HTR5A: variants seen among roughly 807,000 people sequenced by gnomAD.
HTR5A encodes the protein 5-hydroxytryptamine receptor 5A.
In HTR5A, 21 loss-of-function variants were observed where a neutral mutation model predicts 24.3. The observed-to-expected ratio is 0.86, with a 90% CI of 0.61 to 1.24. The LOEUF (loss-of-function observed/expected upper bound fraction) is 1.24, where lower values mean the gene tolerates loss of function less well. Ranked by LOEUF, HTR5A falls within the 50% of genes most tolerant of loss-of-function variation. The pLI is 0.00. For missense variants in HTR5A, 497 were observed against 489.5 expected, an observed-to-expected ratio of 1.02 and a Z score of -0.15; for synonymous variants, 260 against 213.7, an observed-to-expected ratio of 1.22 and a Z score of -1.89.
At chr7:155,083,852 C>T (rs1190500868) in intron 1 of HTR5A, among the ~76,000 whole-genome samples, 1 of 152,178 alleles carries the variant, frequency 6.6e-6, no homozygotes, top group Non-Finnish European at 1.5e-5. Flanking sequence ...TTGTGCATGC[C>T]ATGTTGCCTG....
At position 155,084,231 on chromosome 7, in the gene HTR5A, A is replaced by C. The variant is rs758673974; in HGVS notation, c.818A>C (p.Asp273Ala). 1.2e-5 allele frequency: 19 copies of C among 1,613,872 alleles called. No homozygotes were observed. Among genetic ancestry groups the C allele is most frequent in the Admixed American group, 1.0e-4 (6 of 59,968 alleles). ...HATVTFQPEG[D>A]TWREQKEQRA... ...ACCGTCACCTTCCAGCCAGAAGGGG[A>C]CACGTGGCGGGAGCAGAAGGAGCAG... The change falls in exon 2 of 2, where the codon GAC (aspartate) becomes GCC (alanine). Residue 273 changes from aspartate to alanine, a missense_variant. Physicochemically the swap from Asp to Ala is moderately radical, Grantham distance 126. Coordinates refer to ENST00000287907, the MANE Select transcript of HTR5A (RefSeq NM_024012.4).
intron 1 of HTR5A, among the ~76,000 whole-genome samples, chr7:155,072,328 C>T (rs746835981): frequency 6.6e-6 from 1 of 152,088 alleles, no homozygotes; most frequent in South Asian, 2.1e-4. Flanking sequence ...CCCCACAGCC[C>T]TATTAGGTTG....
rs1376932730 is a variant in HTR5A, at chr7:155,085,756, T to G, written c.*1269T>G. On this transcript the variant is annotated 3_prime_UTR_variant, in exon 2 of 2. Transcript: ENST00000287907. ...AATGATATAATAATCTCTGAATTATTGTAATTCATGTAGTATATTGTATAT... is the reference window on the plus strand; with the variant it reads ...AATGATATAATAATCTCTGAATTATGGTAATTCATGTAGTATATTGTATAT... 1.3e-5 allele frequency: 2 copies of G among 152,212 alleles called. No homozygotes were observed. Among genetic ancestry groups the G allele is most frequent in the Non-Finnish European group, 2.9e-5 (2 of 68,030 alleles). 9.4% of individuals were successfully genotyped at this position (152,212 alleles called of 1,614,324 possible).
At chr7:155,082,283 GGTGTTACCA>G (rs1047252744) in intron 1 of HTR5A, among the ~76,000 whole-genome samples, 2 of 151,620 alleles carry the variant, frequency 1.3e-5, no homozygotes, top group African/African-American at 4.8e-5. Context: ...CAGCATCCAT[GGTGTTACCA>G]GTGTTACCAG....
At chr7:155,073,079 G>A (rs2150817102) in intron 1 of HTR5A, among the ~76,000 whole-genome samples, 1 of 152,234 alleles carries the variant, frequency 6.6e-6, no homozygotes, top group East Asian at 1.9e-4. Flanking sequence ...CCAGCACTTT[G>A]GGAGGCCGAG....
At chr7:155,071,709 GC>G in intron 1 of HTR5A, 69 bp downstream of exon 1, 1 of 1,501,942 alleles carries the variant, frequency 6.7e-7, no homozygotes, top group Non-Finnish European at 9.0e-7. Context: ...CAGGCCACCT[GC>G]CCCACCCCCA....
At chr7:155,073,901 A>ATG (rs372446793) in intron 1 of HTR5A, among the ~76,000 whole-genome samples, 16,294 of 128,312 alleles carry the variant, frequency 0.13, 3,206 homozygotes, top group Middle Eastern at 0.2. Context: ...ATATATATAT[A>ATG]TATATATATA....
In HTR5A at chr7:155,071,644, G is replaced by T; in HGVS notation, c.741+4G>T. The stretch of plus-strand genomic sequence containing the variant: ...ACCCATATCCGAAGCTGTGGAGGTG[G>T]GTATCTCAGCAATCCTTAAAAATAC... On this transcript the variant is annotated splice_donor_region_variant and intron_variant, in intron 1 of 1. Transcript: ENST00000287907. 6.2e-7 allele frequency: 1 copy of T among 1,612,588 alleles called. No individual in the cohort carries two copies.
rs2581832 is a variant in HTR5A at position 155,086,297 on chromosome 7, C to A, written c.*1810C>A. 0.2 allele frequency among the ~76,000 whole-genome samples: 31,060 copies of A among 152,130 alleles called. 7,060 individuals are homozygous for A. Among genetic ancestry groups the A allele is most frequent in the African/African-American group, 0.56 (23,346 of 41,462 alleles). ...AGGTAACACTAGAATCAAGGGTAAA[C>A]GCTTAAGTCTATTCTACCTGAAAAT... On this transcript the variant is annotated 3_prime_UTR_variant, in exon 2 of 2. Transcript: ENST00000287907.
Position 155,071,366 on chromosome 7 carries a change from G to A in HTR5A, c.467G>A (p.Cys156Tyr). 1 of 1,613,980 alleles carries A rather than the reference G, an allele frequency of 6.2e-7. No homozygotes were observed. The highest frequency in any genetic ancestry group is 1.3e-5 in the African/African-American group (1 of 75,070). Reference protein sequence around the residue: ...HMEYTLRTRKCVSNVMIALTW... With the variant: ...HMEYTLRTRKYVSNVMIALTW... ...GAATACACGCTCCGCACCCGCAAGT[G>A]CGTCTCCAACGTCATGATCGCGCTC... Residue 156 changes from cysteine (C) to tyrosine (Y), a missense_variant, in exon 1 of 2, where the codon TGC (cysteine) becomes TAC (tyrosine). Coordinates refer to ENST00000287907, the MANE Select transcript of HTR5A (RefSeq NM_024012.4).
chr7:155,076,179 C>T (rs922539447), intron 1 of HTR5A, among the ~76,000 whole-genome samples: 1 of 152,152 alleles, frequency 6.6e-6, no homozygotes, highest in African/African-American at 2.4e-5. Flanking sequence ...CTGTTTGTCC[C>T]GAGGTTCTTG....
rs771505360 is a variant in HTR5A at position 155,084,193 on chromosome 7, G to T, written c.780G>T (p.Thr260=). 4 of 1,613,260 alleles carry T rather than the reference G, an allele frequency of 2.5e-6. No individual in the cohort carries two copies. In the East Asian group the frequency reaches 8.9e-5, roughly 36 times the overall value. ...DSAKQPQMVF[T]VRHATVTFQP... ...CCAAACAGCCCCAGATGGTGTTCACGGTCCGCCACGCCACCGTCACCTTCC... is the reference window on the plus strand; with the variant it reads ...CCAAACAGCCCCAGATGGTGTTCACTGTCCGCCACGCCACCGTCACCTTCC... The change falls in exon 2 of 2, where the codon ACG becomes ACT. Residue 260 remains threonine, a synonymous_variant. Coordinates refer to ENST00000287907, the MANE Select transcript of HTR5A (RefSeq NM_024012.4).
Position 155,081,146 on chromosome 7 carries a change from A to AT in HTR5A, c.742-3004dup, listed in dbSNP as rs985505442. ...GTGTAAGGCCATTTTTAGCTTAAACATTTTTATTGTTCCATTGAGCTCCTG... is the reference window on the plus strand; with the variant it reads ...GTGTAAGGCCATTTTTAGCTTAAACATTTTTTATTGTTCCATTGAGCTCCTG... On this transcript the variant is annotated intron_variant, in intron 1 of 1. Transcript: ENST00000287907. Among the ~76,000 whole-genome samples, 27 of 152,126 alleles carry AT rather than the reference A, an allele frequency of 1.8e-4. 1 individual carries two copies. Among genetic ancestry groups the AT allele is most frequent in the Non-Finnish European group, 3.1e-4 (21 of 68,038 alleles).
intron 1 of HTR5A, among the ~76,000 whole-genome samples, chr7:155,081,425 G>A (rs370156510): frequency 6.6e-5 from 10 of 152,312 alleles, no homozygotes; most frequent in African/African-American, 2.2e-4. Flanking sequence ...TAACACATAT[G>A]TACCTGTCCC....
intron 1 of HTR5A, among the ~76,000 whole-genome samples, chr7:155,078,403 T>A (rs1795380383): frequency 6.6e-6 from 1 of 152,218 alleles, no homozygotes; most frequent in African/African-American, 2.4e-5. Context: ...TTGAAGGTTT[T>A]CTGAAGTCTA....
intron 1 of HTR5A, among the ~76,000 whole-genome samples, chr7:155,082,563 T>A (rs563967753): frequency 6.6e-6 from 1 of 152,348 alleles, no homozygotes; most frequent in East Asian, 1.9e-4. Flanking sequence ...GTGTCCCCAT[T>A]GTCACTCATA....
rs1795455733 is a variant in HTR5A at position 155,084,591 on chromosome 7, C to A, written c.*104C>A. On this transcript the variant is annotated 3_prime_UTR_variant, in exon 2 of 2. Coordinates refer to ENST00000287907, the MANE Select transcript of HTR5A (RefSeq NM_024012.4). ...CAACAGCCATGTGGACGGGATGAAT[C>A]CTCACCATTCTCCAGGGTCATCTTC... is the stretch of plus-strand genomic sequence containing the variant. 1.1e-6 allele frequency: 1 copy of A among 924,422 alleles called. No individual in the cohort carries two copies. The highest frequency in any genetic ancestry group is 1.6e-6 in the Non-Finnish European group (1 of 607,366). The allele number at this position is 924,422 out of a possible 1,614,324, so 57.3% of individuals were successfully genotyped here.
Position 155,071,254 on chromosome 7 carries a change from G to C in HTR5A, c.355G>C (p.Ala119Pro). The change falls in exon 1 of 2, where the codon GCG (alanine) becomes CCG (proline). Residue 119 changes from alanine to proline, a missense_variant. Coordinates refer to ENST00000287907, the MANE Select transcript of HTR5A (RefSeq NM_024012.4). ...LGRRLCQLWI[A>P]CDVLCCTASI... The stretch of plus-strand genomic sequence containing the variant: ...TCGGAGGCTGTGCCAGCTTTGGATC[G>C]CGTGCGACGTGCTTTGCTGCACGGC... 2 of 1,605,636 alleles carry C rather than the reference G, an allele frequency of 1.2e-6. No homozygotes were observed. Among genetic ancestry groups the C allele is most frequent in the Non-Finnish European group, 1.7e-6 (2 of 1,179,898 alleles).
intron 1 of HTR5A, among the ~76,000 whole-genome samples, chr7:155,083,687 G>A (rs1414818075): frequency 6.6e-6 from 1 of 152,220 alleles, no homozygotes; most frequent in Non-Finnish European, 1.5e-5. Flanking sequence ...CACAGCAGTA[G>A]GAGCTTTATG....
Sources: allele counts gnomAD v4.1 joint callset (sites outside exome capture counted in the v4.1 genomes callset), GRCh38; gene constraint gnomAD v4.1.1; transcripts MANE v1.5; gene names NCBI Gene and HGNC (gene_info 2026-07-23, HGNC 2026-07-21).